The following INSC variants were observed in gnomAD, a reference collection of about 807,000 sequenced individuals.
The protein encoded by INSC is INSC spindle orientation adaptor protein.
INSC carries 67 observed loss-of-function variants against 58.6 expected under a neutral mutation model. The ratio of observed to expected loss-of-function variants is 1.14; its 90% CI spans 0.94 to 1.40. The LOEUF is 1.40. Among genes scored for constraint, INSC ranks in the 40% most tolerant of loss-of-function variants. The probability of loss-of-function intolerance (pLI) is 0.00; values close to 1 mark genes in which losing one functional copy is unlikely to be tolerated. For missense variants in INSC, 714 were observed against 692.0 expected (o/e 1.03, Z -0.36); for synonymous variants, 262 against 276.1 (o/e 0.95, Z 0.51).
intron 2 of INSC, among the ~76,000 whole-genome samples, chr11:15,170,495 C>T (rs141930210): frequency 7.4e-4 from 113 of 152,186 alleles, no homozygotes; most frequent in African/African-American, 2.2e-3. Flanking sequence ...ACTGAGGCTA[C>T]GTGTCCTAGG....
At chr11:15,205,004 G>A (rs1850742831) in intron 7 of INSC, among the ~76,000 whole-genome samples, 1 of 152,146 alleles carries the variant, frequency 6.6e-6, no homozygotes, top group Admixed American at 6.5e-5. Context: ...GGGGACTTTT[G>A]TGGTCATAGA....
intron 1 of INSC, among the ~76,000 whole-genome samples, chr11:15,143,062 G>T (rs1848410488): frequency 6.6e-6 from 1 of 152,074 alleles, no homozygotes; most frequent in Non-Finnish European, 1.5e-5. Flanking sequence ...AACCCATCCA[G>T]TCAGTGAGCA....
At chr11:15,210,842 TG>T (rs1850997998) in intron 7 of INSC, among the ~76,000 whole-genome samples, 1 of 151,080 alleles carries the variant, frequency 6.6e-6, no homozygotes, top group African/African-American at 2.4e-5. Context: ...GAGGGAGGAT[TG>T]AAAGGATGAT....
chr11:15,268,959 A>G, the INSC span, among the ~76,000 whole-genome samples: 2 of 152,096 alleles, frequency 1.3e-5, no homozygotes, highest in Non-Finnish European at 2.9e-5. Flanking sequence ...TCAAATTGGT[A>G]TAGAAAATGT....
intron 7 of INSC, among the ~76,000 whole-genome samples, chr11:15,215,724 G>C (rs1198735606): frequency 6.6e-6 from 1 of 152,136 alleles, no homozygotes; most frequent in African/African-American, 2.4e-5. Flanking sequence ...ATCTGCTTGG[G>C]GAATGTGCAT....
chr11:15,152,532 A>G (rs1274017811), intron 2 of INSC, among the ~76,000 whole-genome samples: 1 of 152,194 alleles, frequency 6.6e-6, no homozygotes, highest in Non-Finnish European at 1.5e-5. Context: ...TAATCATTAT[A>G]TGCATTTTCC....
At chr11:15,265,247 CT>C in the INSC span, among the ~76,000 whole-genome samples, 1 of 152,034 alleles carries the variant, frequency 6.6e-6, no homozygotes, top group South Asian at 2.1e-4. Flanking sequence ...GAAGAATGTA[CT>C]TCAGGCAGAA....
chr11:15,172,702 C>G (rs1849441217), intron 2 of INSC, among the ~76,000 whole-genome samples: 1 of 152,144 alleles, frequency 6.6e-6, no homozygotes, highest in Non-Finnish European at 1.5e-5. Flanking sequence ...ATGTTCAAGG[C>G]TGCAGAGGAT....
intron 9 of INSC, among the ~76,000 whole-genome samples, chr11:15,226,923 G>T (rs1232699550): frequency 6.6e-6 from 1 of 152,198 alleles, no homozygotes; most frequent in African/African-American, 2.4e-5. Context: ...CCTTGGTGAA[G>T]TTCCCCAAAC....
At chr11:15,161,530 G>A (rs551296757) in intron 2 of INSC, among the ~76,000 whole-genome samples, 2 of 152,100 alleles carry the variant, frequency 1.3e-5, no homozygotes, top group Non-Finnish European at 2.9e-5. Flanking sequence ...ACTATAGGTG[G>A]GCACAGGAGG....
rs137885188 is a variant in INSC, at chr11:15,196,559, C to T, written c.694-4265C>T. 3.3e-4 allele frequency among the ~76,000 whole-genome samples: 50 copies of T among 152,270 alleles called. No homozygotes were observed. In the East Asian group the frequency reaches 9.1e-3, roughly 28 times the overall value. Reference sequence around the variant, plus strand: ...GGTCCACTGCACAGTAATCAGCTTGCTTGCTCTGGGTATGAGGCTGGTGGA... The same window carrying T: ...GGTCCACTGCACAGTAATCAGCTTGTTTGCTCTGGGTATGAGGCTGGTGGA... On this transcript the variant is annotated intron_variant, in intron 6 of 12. Coordinates refer to ENST00000379556, the MANE Select transcript of INSC (RefSeq NM_001042536.3).
the INSC span, among the ~76,000 whole-genome samples, chr11:15,265,521 G>A: frequency 6.6e-6 from 1 of 151,362 alleles, no homozygotes; most frequent in East Asian, 1.9e-4. Flanking sequence ...GTCAGCTTGG[G>A]TAAATTGTAT....
At chr11:15,265,772 A>T in the INSC span, among the ~76,000 whole-genome samples, 9 of 147,786 alleles carry the variant, frequency 6.1e-5, no homozygotes, top group African/African-American at 2.0e-4. Context: ...TCATTAAAAA[A>T]CTTTATTTTT....
chr11:15,133,655 AC>A (rs1472657283), intron 1 of INSC, among the ~76,000 whole-genome samples: 1 of 152,184 alleles, frequency 6.6e-6, no homozygotes, highest in African/African-American at 2.4e-5. Context: ...TGCCCTGTAC[AC>A]ATAGGAAACA....
chr11:15,235,732 T>C, intron 10 of INSC, 64 bp downstream of exon 10: 2 of 1,384,450 alleles, frequency 1.4e-6, no homozygotes, highest in Non-Finnish European at 2.1e-6. Flanking sequence ...TGTGTCTTTG[T>C]GCTTGTGTGA....
chr11:15,170,259 G>C (rs1254538196), intron 2 of INSC, among the ~76,000 whole-genome samples: 1 of 152,004 alleles, frequency 6.6e-6, no homozygotes, highest in Non-Finnish European at 1.5e-5. Context: ...ACTGTATTCA[G>C]ATTTCACTAG....
intron 1 of INSC, among the ~76,000 whole-genome samples, chr11:15,136,336 G>A (rs1453923726): frequency 1.3e-5 from 2 of 152,294 alleles, no homozygotes; most frequent in Non-Finnish European, 2.9e-5. Flanking sequence ...CTTGCCTGAT[G>A]TTGATGTCTG....
chr11:15,113,617 A>T (rs1430771745), upstream of INSC, among the ~76,000 whole-genome samples: 1 of 152,204 alleles, frequency 6.6e-6, no homozygotes, highest in Non-Finnish European at 1.5e-5. Context: ...ACAGGAACTG[A>T]GGCCCCTCTC....
At chr11:15,253,518 G>T in the INSC span, among the ~76,000 whole-genome samples, 1 of 152,012 alleles carries the variant, frequency 6.6e-6, no homozygotes, top group Non-Finnish European at 1.5e-5. Context: ...CAAACTCATA[G>T]TGTGGAAAGA....
Sources: gnomAD v4.1 joint callset for allele counts (sites outside exome capture counted in the v4.1 genomes callset) on GRCh38, gnomAD v4.1.1 for gene constraint, MANE v1.5 for transcripts, NCBI Gene and HGNC (gene_info 2026-07-23, HGNC 2026-07-21) for gene names.